The following DDX10 variants were observed in gnomAD, a reference collection of about 807,000 sequenced individuals.
DDX10 encodes probable ATP-dependent RNA helicase DDX10.
DDX10 carries 74 observed loss-of-function variants against 104.3 expected under a neutral mutation model. The observed-to-expected ratio is 0.71, with a 90% CI of 0.59 to 0.86. The LOEUF is 0.86. DDX10 is among the 40% of genes least tolerant of loss of function. DDX10 has a pLI of 0.00. For missense variants in DDX10, 952 were observed against 1,040.0 expected (o/e 0.92, Z 1.16); for synonymous variants, 351 against 353.4 (o/e 0.99, Z 0.08).
chr11:108,741,548 T>C (rs550492833), intron 13 of DDX10, among the ~76,000 whole-genome samples: 1 of 152,248 alleles, frequency 6.6e-6, no homozygotes, highest in East Asian at 1.9e-4. Flanking sequence ...TCCTAGGTAT[T>C]TTATTTTTGT....
chr11:108,728,656 A>G (rs939504561), intron 13 of DDX10, among the ~76,000 whole-genome samples: 2 of 151,882 alleles, frequency 1.3e-5, no homozygotes, highest in Non-Finnish European at 2.9e-5. Context: ...CTAGGACTTC[A>G]GGTGTATGCT....
intron 13 of DDX10, among the ~76,000 whole-genome samples, chr11:108,737,013 A>G (rs1344338691): frequency 1.3e-5 from 2 of 152,088 alleles, no homozygotes; most frequent in South Asian, 4.2e-4. Flanking sequence ...ATCAGGTAGC[A>G]CTTCTTGCTT....
At chr11:108,722,503 C>T (rs1230136370) in intron 12 of DDX10, among the ~76,000 whole-genome samples, 9 of 152,182 alleles carry the variant, frequency 5.9e-5, no homozygotes, top group Admixed American at 5.9e-4. Context: ...ATGGGGACCA[C>T]ATTCCAGTTC....
In DDX10 at chr11:108,940,457, T is replaced by G. The variant is rs771480981; in HGVS notation, c.*34T>G. 23 of 1,603,210 alleles carry G rather than the reference T, an allele frequency of 1.4e-5. 1 individual carries two copies. The highest frequency in any genetic ancestry group is 1.7e-5 in the Non-Finnish European group (20 of 1,174,814). On this transcript the variant is annotated 3_prime_UTR_variant, in exon 18 of 18. Transcript: ENST00000322536. ...TGCGCCTGCCTTCTCCTTGAAACCT[T>G]GGTTATGACTGCGTAGGCAAGAAGT...
At chr11:108,885,012 C>G (rs542998710) in intron 16 of DDX10, among the ~76,000 whole-genome samples, 25 of 152,270 alleles carry the variant, frequency 1.6e-4, no homozygotes, top group Middle Eastern at 3.4e-3. Context: ...AAACACGAAT[C>G]AAGCTTTTTT....
intron 13 of DDX10, among the ~76,000 whole-genome samples, chr11:108,807,314 G>C (rs1862114921): frequency 1.3e-5 from 2 of 152,112 alleles, no homozygotes; most frequent in African/African-American, 4.8e-5. Flanking sequence ...CTTAGTGACA[G>C]GCAAACATAA....
At chr11:108,800,478 T>A (rs1248716805) in intron 13 of DDX10, among the ~76,000 whole-genome samples, 8 of 143,140 alleles carry the variant, frequency 5.6e-5, no homozygotes, top group African/African-American at 2.0e-4. Flanking sequence ...TCTTAACATA[T>A]ACTGCCTTGT....
intron 10 of DDX10, among the ~76,000 whole-genome samples, chr11:108,709,914 G>A (rs371549044): frequency 5.9e-5 from 9 of 152,174 alleles, no homozygotes; most frequent in African/African-American, 2.2e-4. Context: ...CTTAATGATG[G>A]GAATAAGTGT....
intron 6 of DDX10, 60 bp from the exon 7 acceptor site, chr11:108,688,876 C>G: frequency 6.5e-7 from 1 of 1,546,496 alleles, no homozygotes; most frequent in Non-Finnish European, 8.8e-7. Flanking sequence ...CTTTTTTGGT[C>G]TGGATTTCAG....
chr11:108,818,106 C>T (rs1862279500), intron 13 of DDX10, among the ~76,000 whole-genome samples: 1 of 152,232 alleles, frequency 6.6e-6, no homozygotes, highest in African/African-American at 2.4e-5. Flanking sequence ...TAGATATTCA[C>T]ACACATTCCT....
intron 13 of DDX10, among the ~76,000 whole-genome samples, chr11:108,735,158 T>C (rs1392635140): frequency 1.3e-5 from 2 of 152,226 alleles, no homozygotes; most frequent in East Asian, 3.8e-4. Context: ...GTGCCATCTG[T>C]TGGTGACAGT....
intron 13 of DDX10, among the ~76,000 whole-genome samples, chr11:108,791,616 T>G (rs74415313): frequency 0.01 from 1,542 of 152,316 alleles, 21 homozygotes; most frequent in African/African-American, 0.036. Flanking sequence ...CCAATTTAGT[T>G]CTGTCACCAT....
At chr11:108,673,336 C>CT (rs2134435898) in intron 1 of DDX10, 131 bp from the exon 2 acceptor site, 3 of 653,378 alleles carry the variant, frequency 4.6e-6, no homozygotes, top group Middle Eastern at 2.5e-4. Flanking sequence ...GGAATGATGG[C>CT]TTTTAATTAG....
At chr11:108,912,226 G>A (rs1863689743) in intron 16 of DDX10, among the ~76,000 whole-genome samples, 1 of 152,104 alleles carries the variant, frequency 6.6e-6, no homozygotes, top group Non-Finnish European at 1.5e-5. Context: ...TAGTTCTCTA[G>A]TTCTTCTTTT....
intron 17 of DDX10, chr11:108,929,437 A>G (rs1863949487): frequency 6.6e-6 from 1 of 152,186 alleles, no homozygotes; most frequent in Admixed American, 6.5e-5. Context: ...TTATTTAAAT[A>G]TTTACCCTAA....
At chr11:108,801,589 C>G (rs1396564609) in intron 13 of DDX10, among the ~76,000 whole-genome samples, 1 of 152,176 alleles carries the variant, frequency 6.6e-6, no homozygotes, top group Non-Finnish European at 1.5e-5. Context: ...TTCCTACTTT[C>G]TTTTCACCAC....
At chr11:108,754,155 T>C (rs983827870) in intron 13 of DDX10, among the ~76,000 whole-genome samples, 1 of 152,062 alleles carries the variant, frequency 6.6e-6, no homozygotes, top group Non-Finnish European at 1.5e-5. Context: ...TTCTGCTGTG[T>C]TGTCGGAAGT....
At chr11:108,749,038 C>G (rs2094335167) in intron 13 of DDX10, among the ~76,000 whole-genome samples, 1 of 151,666 alleles carries the variant, frequency 6.6e-6, no homozygotes, top group African/African-American at 2.4e-5. Flanking sequence ...CCATAAATAT[C>G]TAGACAACCA....
intron 13 of DDX10, among the ~76,000 whole-genome samples, chr11:108,761,300 T>C (rs1242630075): frequency 6.6e-5 from 10 of 152,010 alleles, no homozygotes. Context: ...GTTAGAAAAA[T>C]GTTAATATTA....
Sources: allele counts gnomAD v4.1 joint callset (sites outside exome capture counted in the v4.1 genomes callset), GRCh38; gene constraint gnomAD v4.1.1; transcripts MANE v1.5; gene names NCBI Gene and HGNC (gene_info 2026-07-23, HGNC 2026-07-21).